The following DUSP10 variants were observed in gnomAD, a reference collection of about 807,000 sequenced individuals.
DUSP10 encodes the protein dual specificity protein phosphatase 10.
In DUSP10, 14 loss-of-function variants were observed where a neutral mutation model predicts 30.8. That is an observed-to-expected ratio of 0.46 (90% CI 0.30 to 0.71). The LOEUF is 0.71. DUSP10 is among the 30% of genes least tolerant of loss of function. The probability of loss-of-function intolerance (pLI) is 0.08; values close to 1 mark genes in which losing one functional copy is unlikely to be tolerated. For synonymous variants in DUSP10, 254 were observed against 250.4 expected (o/e 1.01, Z -0.14); for missense variants, 550 against 619.4 (o/e 0.89, Z 1.19).
In DUSP10 at chr1:221,739,381, C is replaced by T. The variant is rs752517170; in HGVS notation, c.364G>A (p.Glu122Lys). ...GATGGACTTAGAGAGCCTGTATTCT[C>T]ATTATTGTTGACCATCTGGTTAGCA... ...CPANQMVNNNENTGSLSPSSG... is the reference protein window; with the variant it reads ...CPANQMVNNNKNTGSLSPSSG... The change falls in exon 2 of 4, where the codon GAG becomes AAG. Residue 122 changes from glutamate to lysine, a missense_variant. Glu to Lys is a moderately conservative substitution (Grantham distance 56). Transcript: ENST00000366899. 1.2e-6 allele frequency: 2 copies of T among 1,614,088 alleles called. No homozygotes were observed. The highest frequency in any genetic ancestry group is 3.3e-5 in the Admixed American group (2 of 60,006).
chr1:221,738,999 G>A lies in DUSP10; in HGVS notation c.746C>T (p.Ser249Phe), dbSNP rs928649870. The change falls in exon 2 of 4, where the codon TCC becomes TTC. Residue 249 changes from serine to phenylalanine, a missense_variant. Transcript: ENST00000366899. ...NTNEPSRVMP[S>F]QPLHIVLESL... ...CTCGAGGACTATGTGAAGTGGCTGG[G>A]AGGGCATCACTCGGCTTGGTTCATT... 1.2e-6 allele frequency: 2 copies of A among 1,614,164 alleles called. No individual in the cohort carries two copies. The highest frequency in any genetic ancestry group is 1.7e-6 in the Non-Finnish European group (2 of 1,180,012).
intron 2 of DUSP10, among the ~76,000 whole-genome samples, chr1:221,707,376 C>T (rs1013608603): frequency 1.3e-5 from 2 of 152,120 alleles, no homozygotes; most frequent in African/African-American, 2.4e-5. Flanking sequence ...GAGAGCAGCG[C>T]GGTTGCTTAC....
rs373881838 is a variant in DUSP10 at position 221,706,366 on chromosome 1, C to T, written c.912G>A (p.Ser304=). Residue 304 remains serine, a synonymous_variant, in exon 3 of 4, where the codon TCG becomes TCA. Coordinates refer to ENST00000366899, the MANE Select transcript of DUSP10 (RefSeq NM_007207.6). This position sits in a 1 kb window ranked among gnomAD's most constrained non-coding sequence, Gnocchi z 4.6. ...TGGGGATGGGCTGAGGTAGCAAGCT[C>T]GAGGCCGCGGATGCGCCGCCCCCCA... ...REVGGGASAA[S]SLLPQPIPTT... 3.0e-5 allele frequency: 48 copies of T among 1,598,862 alleles called. No homozygotes were observed. Among genetic ancestry groups the T allele is most frequent in the South Asian group, 5.6e-5 (5 of 89,736 alleles).
chr1:221,712,795 A>C (rs1000803486), intron 2 of DUSP10, among the ~76,000 whole-genome samples: 2 of 150,916 alleles, frequency 1.3e-5, no homozygotes. Context: ...AAAAAAAAAA[A>C]AAAAAGAGCT....
At position 221,739,606 on chromosome 1, in the gene DUSP10, C is replaced by A. The variant is rs373605299; in HGVS notation, c.139G>T (p.Ala47Ser). The change falls in exon 2 of 4, where the codon GCC (alanine) becomes TCC (serine). Residue 47 changes from alanine (A) to serine (S), a missense_variant. Ala to Ser is a moderately conservative substitution (Grantham distance 99). Coordinates refer to ENST00000366899, the MANE Select transcript of DUSP10 (RefSeq NM_007207.6). ...GCCTTGAGGGACACAACGGTGGTGG[C>A]GATGACAGGAGGGTGGCTGTTACTG... ...PGSNSHPPVIATTVVSLKAAN... is the reference protein window; with the variant it reads ...PGSNSHPPVISTTVVSLKAAN... 3.1e-6 allele frequency: 5 copies of A among 1,614,054 alleles called. No homozygotes were observed. Among genetic ancestry groups the A allele is most frequent in the Non-Finnish European group, 4.2e-6 (5 of 1,180,002 alleles).
In DUSP10 at chr1:221,702,319, C is replaced by CAAA; in HGVS notation, c.*90_*92dup. ...CCATTCACAAACTTACTCCCAACTA[C>CAAA]AAAAAAAAAAAGAAAGAAAAAAAAC... On this transcript the variant is annotated 3_prime_UTR_variant, in exon 4 of 4. Transcript: ENST00000366899. The surrounding 1 kb of genome is among the most constrained non-coding windows in gnomAD (Gnocchi z 4.5). 9.0e-7 allele frequency: 1 copy of CAAA among 1,111,330 alleles called. No homozygotes were observed. The highest frequency in any genetic ancestry group is 1.2e-6 in the Non-Finnish European group (1 of 821,098). The allele number at this position is 1,111,330 out of a possible 1,614,324, so 68.8% of individuals were successfully genotyped here.
At chr1:221,727,231 C>T (rs931551611) in intron 2 of DUSP10, among the ~76,000 whole-genome samples, 1 of 152,140 alleles carries the variant, frequency 6.6e-6, no homozygotes, top group Non-Finnish European at 1.5e-5. Context: ...CCGGCTCATT[C>T]AATTAGTCAC....
intron 2 of DUSP10, among the ~76,000 whole-genome samples, chr1:221,719,251 C>T (rs1299383697): frequency 6.6e-6 from 1 of 152,228 alleles, no homozygotes; most frequent in Non-Finnish European, 1.5e-5. Flanking sequence ...GCAACAACTT[C>T]CTCAAGTCAC....
intron 3 of DUSP10, among the ~76,000 whole-genome samples, chr1:221,705,623 T>C (rs1318024948): frequency 6.6e-6 from 1 of 152,154 alleles, no homozygotes; most frequent in Non-Finnish European, 1.5e-5. Flanking sequence ...CCCCTTATGC[T>C]GGATGAATAA....
rs773572520 is a variant in DUSP10, at chr1:221,739,347, A to G, written c.398T>C (p.Val133Ala). 1.2e-6 allele frequency: 2 copies of G among 1,613,972 alleles called. No homozygotes were observed. Among genetic ancestry groups the G allele is most frequent in the South Asian group, 2.2e-5 (2 of 91,074 alleles). The change falls in exon 2 of 4, where the codon GTG becomes GCG. Residue 133 changes from valine to alanine, a missense_variant. Physicochemically the swap from Val to Ala is moderately conservative, Grantham distance 64. Transcript: ENST00000366899. ...NTGSLSPSSG[V>A]GSPVSGTPKQ... ...GGGGGTCCCTGACACAGGGCTGCCC[A>G]CCCCACTTGATGGACTTAGAGAGCC... is the stretch of plus-strand genomic sequence containing the variant.
chr1:221,729,870 C>T (rs1191209077), intron 2 of DUSP10, among the ~76,000 whole-genome samples: 1 of 152,176 alleles, frequency 6.6e-6, no homozygotes, highest in Non-Finnish European at 1.5e-5. Context: ...TAGAAAATGT[C>T]CTCTATCTCT....
intron 2 of DUSP10, among the ~76,000 whole-genome samples, chr1:221,725,135 C>T (rs1275530908): frequency 6.6e-6 from 1 of 152,106 alleles, no homozygotes; most frequent in African/African-American, 2.4e-5. Context: ...AGGCTACTTC[C>T]CACAGCCACC....
chr1:221,725,992 C>T (rs936056560), intron 2 of DUSP10, among the ~76,000 whole-genome samples: 1 of 152,214 alleles, frequency 6.6e-6, no homozygotes, highest in Non-Finnish European at 1.5e-5. Flanking sequence ...TGTCCTCACT[C>T]TATCCACCAA....
chr1:221,705,306 T>C (rs1660722585), intron 3 of DUSP10, among the ~76,000 whole-genome samples: 1 of 152,002 alleles, frequency 6.6e-6, no homozygotes, highest in Non-Finnish European at 1.5e-5. Context: ...AGATGGAGTT[T>C]CTCCATGTTG....
chr1:221,719,681 C>T (rs1005910757), intron 2 of DUSP10, among the ~76,000 whole-genome samples: 8 of 152,286 alleles, frequency 5.3e-5, no homozygotes, highest in Admixed American at 2.0e-4. Context: ...GGATGCATCC[C>T]GTATCTGGCA....
In DUSP10 at chr1:221,710,364, T is replaced by C. The variant is rs141301164; in HGVS notation, c.812-3898A>G. Reference sequence around the variant, plus strand: ...AGACCCTGGGCAGGTTTCTCACCTGTCTGTTCCTCAGTTTCCCTGTATACA... The same window carrying C: ...AGACCCTGGGCAGGTTTCTCACCTGCCTGTTCCTCAGTTTCCCTGTATACA... On this transcript the variant is annotated intron_variant, in intron 2 of 3. Coordinates refer to ENST00000366899, the MANE Select transcript of DUSP10 (RefSeq NM_007207.6). 4.3e-3 allele frequency among the ~76,000 whole-genome samples: 651 copies of C among 152,296 alleles called. 4 individuals are homozygous for C. Among genetic ancestry groups the C allele is most frequent in the Middle Eastern group, 0.014 (4 of 294 alleles).
rs192594302 is a variant in DUSP10, at chr1:221,726,282, T to G, written c.811+12652A>C. On this transcript the variant is annotated intron_variant, in intron 2 of 3. Transcript: ENST00000366899. ...CAGTTGGGTGGGAAGGTGGAGAAAA[T>G]TCCAAACAAGGGTTTCCTTCAAGAG... 1.2e-4 allele frequency among the ~76,000 whole-genome samples: 18 copies of G among 152,254 alleles called. No individual in the cohort carries two copies. The East Asian group carries it at 1.7e-3, about 15-fold the overall frequency.
chr1:221,737,148 G>A, intron 2 of DUSP10: 8 of 985,414 alleles, frequency 8.1e-6, no homozygotes, highest in Non-Finnish European at 9.6e-6. Flanking sequence ...ATAGAGAGTA[G>A]GGTCTGCAAC....
At chr1:221,717,849 T>C (rs1661154309) in intron 2 of DUSP10, among the ~76,000 whole-genome samples, 1 of 152,148 alleles carries the variant, frequency 6.6e-6, no homozygotes, top group African/African-American at 2.4e-5. Flanking sequence ...TCCAGAACTA[T>C]AAGAAAATAA....
Sources: allele counts gnomAD v4.1 joint callset (sites outside exome capture counted in the v4.1 genomes callset), GRCh38; gene constraint gnomAD v4.1.1; non-coding constraint Gnocchi (gnomAD v3.1); transcripts MANE v1.5; gene names NCBI Gene and HGNC (gene_info 2026-07-23, HGNC 2026-07-21).